Variants in IPCEF1 observed in about 807,000 individuals in gnomAD.
IPCEF1 encodes interaction protein for cytohesin exchange factors 1.
A neutral mutation model predicts 50.9 loss-of-function variants in IPCEF1; 31 were observed. The ratio of observed to expected loss-of-function variants is 0.61; its 90% confidence interval spans 0.46 to 0.82. The LOEUF (loss-of-function observed/expected upper bound fraction) is 0.82. Among genes scored for constraint, IPCEF1 ranks in the 40% least tolerant of loss-of-function variants. IPCEF1 has a pLI of 0.00. For missense variants in IPCEF1, 458 were observed against 514.0 expected (o/e 0.89, Z 1.05); for synonymous variants, 181 against 192.0 (o/e 0.94, Z 0.47).
intron 8 of IPCEF1, chr6:154,213,250 G>C (rs1215923281): frequency 5.1e-6 from 1 of 194,782 alleles, no homozygotes; most frequent in Admixed American, 5.5e-5. Flanking sequence ...ACTTGTGAAG[G>C]GGAGTCTCTG....
chr6:154,277,501 G>A (rs906236166), intron 2 of IPCEF1, among the ~76,000 whole-genome samples: 5 of 152,098 alleles, frequency 3.3e-5, no homozygotes, highest in East Asian at 1.9e-4. Flanking sequence ...AGATTAAATC[G>A]TCCAACTCCC....
chr6:154,247,023 G>A, intron 4 of IPCEF1: 1 of 430,494 alleles, frequency 2.3e-6, no homozygotes, highest in Non-Finnish European at 4.1e-6. Context: ...CAAAGAAACA[G>A]CGCAGCAGGA....
rs577919642 is a variant in IPCEF1, at chr6:154,294,969, C to T, written c.-61-5213G>A. ...ATCCCAGCACTTTGGGAGGCCAAGG[C>T]GGGCACATTATGAGGTCAGGAGATC... On this transcript the variant is annotated intron_variant, in intron 1 of 11. Transcript: ENST00000367220. 6.0e-3 allele frequency among the ~76,000 whole-genome samples: 913 copies of T among 152,246 alleles called. 8 individuals are homozygous for T. Among genetic ancestry groups the T allele is most frequent in the Non-Finnish European group, 7.3e-3 (496 of 68,004 alleles).
intron 5 of IPCEF1, among the ~76,000 whole-genome samples, chr6:154,236,413 T>C (rs1056687385): frequency 6.6e-6 from 1 of 152,164 alleles, no homozygotes; most frequent in African/African-American, 2.4e-5. Context: ...GGAGACTTAT[T>C]ATTTAATAGG....
intron 4 of IPCEF1, 150 bp from the exon 5 acceptor site, chr6:154,246,910 A>T: frequency 3.2e-6 from 2 of 626,280 alleles, no homozygotes; most frequent in Non-Finnish European, 4.6e-6. Flanking sequence ...TGCAAAGCCT[A>T]TGCAAAACCT....
intron 1 of IPCEF1, among the ~76,000 whole-genome samples, chr6:154,354,427 A>ATCTCCTCCACCACCC (rs1784173492): frequency 6.9e-6 from 1 of 144,944 alleles, no homozygotes; most frequent in Non-Finnish European, 1.5e-5. Flanking sequence ...CTCCACCACC[A>ATCTCCTCCACCACCC]CCTCCACCAT....
At chr6:154,250,425 T>C (rs931890159) in intron 3 of IPCEF1, among the ~76,000 whole-genome samples, 11 of 152,238 alleles carry the variant, frequency 7.2e-5, no homozygotes, top group African/African-American at 2.7e-4. Flanking sequence ...ATTCTAAAAA[T>C]CTGATTTTGC....
chr6:154,174,703 A>T (rs1268744991), intron 10 of IPCEF1, among the ~76,000 whole-genome samples: 4 of 152,136 alleles, frequency 2.6e-5, no homozygotes, highest in Non-Finnish European at 5.9e-5. Flanking sequence ...AGAGACTTAG[A>T]CTCTCACACA....
At chr6:154,233,380 A>G (rs1184294968) in intron 5 of IPCEF1, among the ~76,000 whole-genome samples, 4 of 152,152 alleles carry the variant, frequency 2.6e-5, no homozygotes, top group African/African-American at 9.7e-5. Context: ...ATACTAGTAA[A>G]CTTACCATAT....
chr6:154,342,975 G>A (rs1036191882), intron 1 of IPCEF1, among the ~76,000 whole-genome samples: 7 of 152,198 alleles, frequency 4.6e-5, no homozygotes, highest in Admixed American at 1.3e-4. Context: ...AACTAGTAAG[G>A]CTTGGTCACA....
intron 3 of IPCEF1, among the ~76,000 whole-genome samples, chr6:154,253,620 T>A (rs922393000): frequency 6.6e-6 from 1 of 152,236 alleles, no homozygotes; most frequent in Non-Finnish European, 1.5e-5. Flanking sequence ...TATGCAGGTG[T>A]CTTTCTGGGC....
chr6:154,310,602 C>A (rs1299087716), intron 1 of IPCEF1, among the ~76,000 whole-genome samples: 6 of 152,002 alleles, frequency 3.9e-5, no homozygotes, highest in Non-Finnish European at 7.3e-5. Context: ...TTTATTTCAG[C>A]ATTATTCACA....
intron 11 of IPCEF1, among the ~76,000 whole-genome samples, chr6:154,165,355 A>G (rs1799342719): frequency 6.6e-6 from 1 of 152,192 alleles, no homozygotes. Flanking sequence ...TTTTAAAAAC[A>G]ATTAGAAATA....
chr6:154,253,952 C>A (rs922267304), intron 3 of IPCEF1, among the ~76,000 whole-genome samples: 3 of 151,532 alleles, frequency 2.0e-5, no homozygotes, highest in East Asian at 1.9e-4. Flanking sequence ...TATTTATATT[C>A]TTTGCTTTTA....
chr6:154,330,491 A>AT (rs974878682), intron 1 of IPCEF1, among the ~76,000 whole-genome samples: 4 of 151,490 alleles, frequency 2.6e-5, no homozygotes, highest in East Asian at 1.9e-4. Flanking sequence ...CATCCAGCTA[A>AT]TTTTTTTTAT....
chr6:154,258,062 T>C (rs60877221), intron 3 of IPCEF1, among the ~76,000 whole-genome samples: 3,685 of 152,250 alleles, frequency 0.024, 134 homozygotes, highest in African/African-American at 0.083. Flanking sequence ...TTTTGAATAC[T>C]GTATTTCCCT....
In IPCEF1 at chr6:154,247,823, T is replaced by C. The variant is rs1781183156; in HGVS notation, c.37-335A>G. The C allele has an allele frequency of 4.2e-5, 10 of 239,272 alleles. No individual in the cohort carries two copies. In the East Asian group the frequency reaches 8.3e-4, roughly 20 times the overall value. 14.8% of individuals were successfully genotyped at this position (239,272 alleles called of 1,614,324 possible). On this transcript the variant is annotated intron_variant, in intron 3 of 11. Coordinates refer to ENST00000367220, the MANE Select transcript of IPCEF1 (RefSeq NM_001130700.2). Reference sequence around the variant, plus strand: ...TAAAAATCAAAAAATATTTCCCCTTTTGTGTTTTTGTGAGAGAAGGAAAAA... The same window carrying C: ...TAAAAATCAAAAAATATTTCCCCTTCTGTGTTTTTGTGAGAGAAGGAAAAA...
At chr6:154,290,005 G>A (rs985233032) in intron 1 of IPCEF1, among the ~76,000 whole-genome samples, 2 of 152,098 alleles carry the variant, frequency 1.3e-5, no homozygotes, top group Non-Finnish European at 2.9e-5. Flanking sequence ...AACCACCAGG[G>A]GATGGTCAGG....
chr6:154,193,166 A>T (rs1374906616), intron 10 of IPCEF1, among the ~76,000 whole-genome samples: 1 of 152,210 alleles, frequency 6.6e-6, no homozygotes. Flanking sequence ...GTACATATAT[A>T]CCATAGAATA....
Sources: gnomAD v4.1 joint callset for allele counts (sites outside exome capture counted in the v4.1 genomes callset) on GRCh38, gnomAD v4.1.1 for gene constraint, MANE v1.5 for transcripts, NCBI Gene and HGNC (gene_info 2026-07-23, HGNC 2026-07-21) for gene names.